COL8A1: variants seen among roughly 807,000 people sequenced by gnomAD.
COL8A1 encodes the protein collagen alpha-1(VIII) chain.
A neutral mutation model predicts 42.7 loss-of-function variants in COL8A1; 21 were observed. The ratio of observed to expected loss-of-function variants is 0.49; its 90% CI spans 0.35 to 0.71. The LOEUF (loss-of-function observed/expected upper bound fraction) is 0.71. COL8A1 is among the 30% of genes least tolerant of loss of function. The pLI is 0.01. For synonymous variants in COL8A1, 367 were observed against 369.1 expected (o/e 0.99, Z 0.06); for missense variants, 788 against 962.4 (o/e 0.82, Z 2.40).
At chr3:99,676,009 A>G (rs896653153) in intron 1 of COL8A1, among the ~76,000 whole-genome samples, 1 of 152,140 alleles carries the variant, frequency 6.6e-6, no homozygotes, top group Non-Finnish European at 1.5e-5. Context: ...GCATACAGGA[A>G]TAATATTAAT....
At chr3:99,764,977 T>A (rs1355937262) in intron 2 of COL8A1, among the ~76,000 whole-genome samples, 3 of 152,084 alleles carry the variant, frequency 2.0e-5, no homozygotes, top group Admixed American at 1.3e-4. Context: ...AATAGTTGCA[T>A]TTTTTAAGGG....
intron 1 of COL8A1, among the ~76,000 whole-genome samples, chr3:99,689,188 T>C (rs1468230333): frequency 1.3e-5 from 2 of 152,244 alleles, no homozygotes; most frequent in Non-Finnish European, 2.9e-5. Context: ...CTACTAATTT[T>C]ATTTGTCCAA....
chr3:99,640,318 C>G (rs556429363), intron 1 of COL8A1, among the ~76,000 whole-genome samples: 1 of 152,274 alleles, frequency 6.6e-6, no homozygotes, highest in Admixed American at 6.5e-5. Context: ...GGTAATCAAC[C>G]ATGACAAGAG....
At chr3:99,745,624 G>A (rs879894151) in intron 2 of COL8A1, among the ~76,000 whole-genome samples, 10 of 152,096 alleles carry the variant, frequency 6.6e-5, no homozygotes, top group Admixed American at 3.9e-4. Flanking sequence ...GACGACTGAA[G>A]TGATATGTAC....
chr3:99,738,271 A>G (rs1343828250), intron 1 of COL8A1, among the ~76,000 whole-genome samples: 1 of 152,218 alleles, frequency 6.6e-6, no homozygotes, highest in Non-Finnish European at 1.5e-5. Flanking sequence ...CTGGTGAGGA[A>G]CTGCGTTCCT....
chr3:99,679,647 T>C (rs569338071), intron 1 of COL8A1: 11 of 152,346 alleles, frequency 7.2e-5, no homozygotes, highest in African/African-American at 2.4e-4. Flanking sequence ...ATTTAACCTC[T>C]CTAAGTTTGC....
At chr3:99,711,583 A>C (rs554967658) in intron 1 of COL8A1, among the ~76,000 whole-genome samples, 9 of 152,214 alleles carry the variant, frequency 5.9e-5, no homozygotes, top group African/African-American at 2.2e-4. Context: ...AAACAAATGG[A>C]AGTGACCTAA....
At chr3:99,760,492 G>A (rs573899557) in intron 2 of COL8A1, among the ~76,000 whole-genome samples, 45 of 152,314 alleles carry the variant, frequency 3.0e-4, no homozygotes, top group African/African-American at 1.0e-3. Context: ...TAAATATTTA[G>A]TCAGAATATT....
chr3:99,713,073 T>A (rs73860409), intron 1 of COL8A1, among the ~76,000 whole-genome samples: 3,929 of 152,210 alleles, frequency 0.026, 159 homozygotes, highest in African/African-American at 0.086. Flanking sequence ...ATTCATGTAG[T>A]CCTTGATTTG....
intron 1 of COL8A1, among the ~76,000 whole-genome samples, chr3:99,641,164 A>G (rs138067334): frequency 4.6e-5 from 7 of 152,210 alleles, no homozygotes; most frequent in African/African-American, 1.7e-4. Context: ...ATTGGGGTGA[A>G]AAGGGACTTG....
chr3:99,747,377 A>AT (rs1941048347), intron 2 of COL8A1, among the ~76,000 whole-genome samples: 1 of 152,226 alleles, frequency 6.6e-6, no homozygotes, highest in Non-Finnish European at 1.5e-5. Context: ...AATTATTCCC[A>AT]TTTTTTGTTC....
intron 1 of COL8A1, among the ~76,000 whole-genome samples, chr3:99,650,951 C>T (rs975957587): frequency 5.9e-5 from 9 of 152,136 alleles, no homozygotes; most frequent in African/African-American, 2.2e-4. Context: ...CAGTAGTGTT[C>T]ATTAAATGTC....
At chr3:99,773,320 C>T (rs562164979) in intron 2 of COL8A1, among the ~76,000 whole-genome samples, 18 of 152,288 alleles carry the variant, frequency 1.2e-4, no homozygotes, top group African/African-American at 4.1e-4. Flanking sequence ...GCTTCCACGT[C>T]ATAGTGAGCA....
rs188492295 is a variant in COL8A1 at position 99,668,853 on chromosome 3, T to C, written c.-129+30189T>C. Among the ~76,000 whole-genome samples, 38 of 152,124 alleles carry C rather than the reference T, an allele frequency of 2.5e-4. No individual in the cohort carries two copies. In the Middle Eastern group the frequency reaches 0.01, roughly 41 times the overall value. On this transcript the variant is annotated intron_variant, in intron 1 of 3. Coordinates refer to ENST00000652472, the MANE Select transcript of COL8A1 (RefSeq NM_020351.4). ...TGTCAGGTCTAAAGAAGTTAGAATC[T>C]AAAGAAGAGTAAAATAAACAAATTG...
intron 2 of COL8A1, among the ~76,000 whole-genome samples, chr3:99,771,917 CA>C (rs1941588103): frequency 6.6e-6 from 1 of 152,058 alleles, no homozygotes; most frequent in Non-Finnish European, 1.5e-5. Context: ...CTTGGGTGAC[CA>C]GAACTCTAGT....
intron 1 of COL8A1, among the ~76,000 whole-genome samples, chr3:99,733,925 T>C (rs1450875556): frequency 2.0e-5 from 3 of 152,164 alleles, no homozygotes; most frequent in South Asian, 4.2e-4. Context: ...TCTCATGTGT[T>C]TTTTGGCTGC....
rs1391942932 is a variant in COL8A1, at chr3:99,795,887, C to T, written c.1986C>T (p.Tyr662=). The T allele has an allele frequency of 1.9e-6, 3 of 1,614,198 alleles. No individual in the cohort carries two copies. The highest frequency in any genetic ancestry group is 2.5e-6 in the Non-Finnish European group (3 of 1,180,038). ...CCTGTGAGGTCCCTGGTGTCTACTA[C>T]TTTGCATACCACGTTCACTGCAAGG... The part of the protein sequence containing the change: ...IFTCEVPGVY[Y]FAYHVHCKGG... Residue 662 remains tyrosine, a synonymous_variant, in exon 4 of 4, where the codon TAC becomes TAT. Coordinates refer to ENST00000652472, the MANE Select transcript of COL8A1 (RefSeq NM_020351.4).
chr3:99,661,906 G>A (rs1938216867), intron 1 of COL8A1, among the ~76,000 whole-genome samples: 1 of 152,182 alleles, frequency 6.6e-6, no homozygotes, highest in African/African-American at 2.4e-5. Context: ...GAGATACCTA[G>A]AGTAGTCAAA....
chr3:99,727,921 G>C (rs1940384981), intron 1 of COL8A1, among the ~76,000 whole-genome samples: 1 of 151,566 alleles, frequency 6.6e-6, no homozygotes, highest in South Asian at 2.1e-4. Context: ...TGCAGAAAAG[G>C]CCTTTGACAA....
Sources: gnomAD v4.1 joint callset for allele counts (sites outside exome capture counted in the v4.1 genomes callset) on GRCh38, gnomAD v4.1.1 for gene constraint, MANE v1.5 for transcripts, NCBI Gene and HGNC (gene_info 2026-07-23, HGNC 2026-07-21) for gene names.